Variants in SDK2 observed in about 807,000 individuals in gnomAD.
The protein encoded by SDK2 is protein sidekick-2.
A neutral mutation model predicts 253.9 loss-of-function variants in SDK2; 105 were observed. The observed-to-expected ratio is 0.41, with a 90% CI of 0.35 to 0.49. SDK2 has a LOEUF of 0.49. SDK2 is among the 20% of genes least tolerant of loss of function. SDK2 has a pLI of 0.06. For synonymous variants in SDK2, 1,249 were observed against 1,234.9 expected (o/e 1.01, Z -0.24); for missense variants, 2,608 against 3,003.0 (o/e 0.87, Z 3.07).
intron 1 of SDK2, among the ~76,000 whole-genome samples, chr17:73,553,705 C>T (rs1010470271): frequency 2.0e-5 from 3 of 152,170 alleles, no homozygotes; most frequent in East Asian, 1.9e-4. Flanking sequence ...CCCAAACCCC[C>T]ACCCTTGTTA....
At position 73,397,204 on chromosome 17, in the gene SDK2, T is replaced by A. The variant is rs9916230; in HGVS notation, c.3354+831A>T. Among the ~76,000 whole-genome samples, 1,723 of 152,222 alleles carry A rather than the reference T, an allele frequency of 0.011. 51 individuals are homozygous for A. The East Asian group carries it at 0.11, about 10-fold the overall frequency. On this transcript the variant is annotated intron_variant, in intron 24 of 44. Coordinates refer to ENST00000392650, the MANE Select transcript of SDK2 (RefSeq NM_001144952.2). ...TGTGGTATGTGGTGCTGTTCCCACA[T>A]TTATTTGTCTAAGAATTCTTGTTTG...
At chr17:73,451,497 T>C (rs1312294185) in intron 4 of SDK2, among the ~76,000 whole-genome samples, 1 of 151,908 alleles carries the variant, frequency 6.6e-6, no homozygotes, top group Non-Finnish European at 1.5e-5. Context: ...AGAGCGAAAA[T>C]CCATCTCAAA....
intron 1 of SDK2, among the ~76,000 whole-genome samples, chr17:73,585,241 G>T (rs1441282805): frequency 6.6e-6 from 1 of 152,260 alleles, no homozygotes; most frequent in Non-Finnish European, 1.5e-5. Flanking sequence ...AACTGTCTCA[G>T]AATGCACTCT....
At position 73,440,733 on chromosome 17, in the gene SDK2, C is replaced by A. The variant is rs930100559; in HGVS notation, c.725+79G>T. The A allele has an allele frequency of 9.7e-6, 10 of 1,030,356 alleles. No individual in the cohort carries two copies. The African/African-American group carries it at 1.6e-4, about 16-fold the overall frequency. 63.8% of individuals were successfully genotyped at this position (1,030,356 alleles called of 1,614,324 possible). A position where few individuals can be genotyped will look rare whatever the true frequency, so the allele number is the denominator to read the frequency against. On this transcript the variant is annotated intron_variant, in intron 6 of 44. Coordinates refer to ENST00000392650, the MANE Select transcript of SDK2 (RefSeq NM_001144952.2). ...GATCCTCAGGTGATGTGGCTTCTGG[C>A]TGCTCTCCCTGGAGCCCGCAGTTTG...
rs55920887 is a variant in SDK2, at chr17:73,581,052, G to GTT, written c.64+62971_64+62972dup. 2.5e-3 allele frequency among the ~76,000 whole-genome samples: 369 copies of GTT among 149,010 alleles called. 4 individuals are homozygous for GTT. The South Asian group carries it at 0.033, about 13-fold the overall frequency. On this transcript the variant is annotated intron_variant, in intron 1 of 44. Coordinates refer to ENST00000392650, the MANE Select transcript of SDK2 (RefSeq NM_001144952.2). Reference sequence around the variant, plus strand: ...GCCCAGCTAATTTTTGTATTTTTTGGTTTTTTTTTTCAGAGATAGGGTCTC... The same window carrying GTT: ...GCCCAGCTAATTTTTGTATTTTTTGGTTTTTTTTTTTTCAGAGATAGGGTCTC...
intron 15 of SDK2, 44 bp downstream of exon 15, chr17:73,422,243 G>T: frequency 6.2e-7 from 1 of 1,604,402 alleles, no homozygotes; most frequent in Non-Finnish European, 8.5e-7. Context: ...GCCCCTGCCT[G>T]TTGGAGTCCT....
At chr17:73,369,618 G>T (rs1350775363) in intron 36 of SDK2, among the ~76,000 whole-genome samples, 2 of 152,214 alleles carry the variant, frequency 1.3e-5, no homozygotes, top group African/African-American at 2.4e-5. Context: ...GCTGCAGAAG[G>T]CTTTAGGCCA....
intron 1 of SDK2, among the ~76,000 whole-genome samples, chr17:73,559,199 T>TGACCCACGAAGGACAGAGC: frequency 6.6e-6 from 1 of 152,028 alleles, no homozygotes; most frequent in African/African-American, 2.4e-5. Flanking sequence ...TGGGGCAGAG[T>TGACCCACGAAGGACAGAGC]GACCCACGAA....
intron 36 of SDK2, among the ~76,000 whole-genome samples, chr17:73,377,631 C>CT (rs1160933749): frequency 0.018 from 2,427 of 138,512 alleles, 54 homozygotes; most frequent in African/African-American, 0.052. Context: ...CTGCTGCCTG[C>CT]TTTTTTTTTT....
At chr17:73,382,336 C>T (rs374851243) in intron 33 of SDK2, among the ~76,000 whole-genome samples, 19 of 152,110 alleles carry the variant, frequency 1.2e-4, no homozygotes, top group African/African-American at 4.1e-4. Context: ...TGCCTGCTGC[C>T]GTCTTCTACT....
At chr17:73,491,107 T>C (rs928885873) in intron 2 of SDK2, among the ~76,000 whole-genome samples, 2 of 152,238 alleles carry the variant, frequency 1.3e-5, no homozygotes, top group African/African-American at 2.4e-5. Flanking sequence ...GCTTAGGATA[T>C]GGGCTGGCGT....
chr17:73,392,275 T>A (rs1428342934), intron 27 of SDK2, among the ~76,000 whole-genome samples: 3 of 149,822 alleles, frequency 2.0e-5, no homozygotes, highest in Non-Finnish European at 4.5e-5. Flanking sequence ...TTCCAAACTT[T>A]TTTTTTTTTT....
At chr17:73,547,216 CT>C (rs1204459140) in intron 1 of SDK2, among the ~76,000 whole-genome samples, 1 of 152,272 alleles carries the variant, frequency 6.6e-6, no homozygotes, top group African/African-American at 2.4e-5. Flanking sequence ...GCCACGCCCC[CT>C]CTGCAGGGCA....
chr17:73,639,933 T>A lies in SDK2; in HGVS notation c.64+4092A>T, dbSNP rs1421504666. 6.6e-6 allele frequency among the ~76,000 whole-genome samples: 1 copy of A among 152,102 alleles called. No homozygotes were observed. The highest frequency in any genetic ancestry group is 6.5e-5 in the Admixed American group (1 of 15,276). Reference sequence around the variant, plus strand: ...ACGGTCCTAGATGACTTTTCGTGTGTCTTTCAAGTCAAATGCAATGATTCC... The same window carrying A: ...ACGGTCCTAGATGACTTTTCGTGTGACTTTCAAGTCAAATGCAATGATTCC... On this transcript the variant is annotated intron_variant, in intron 1 of 44. Coordinates refer to ENST00000392650, the MANE Select transcript of SDK2 (RefSeq NM_001144952.2). The surrounding 1 kb of genome is among the most constrained non-coding windows in gnomAD (Gnocchi z 4.3).
intron 12 of SDK2, 130 bp from the exon 13 acceptor site, chr17:73,424,222 AGGACACTGGGATCGGGGAGCG>A: frequency 1.4e-6 from 1 of 718,026 alleles, no homozygotes; most frequent in African/African-American, 1.8e-5. Context: ...ACAGCCAGGC[AGGACACTGGGATCGGGGAGCG>A]GGACACTGTT....
At chr17:73,572,659 A>G (rs537069547) in intron 1 of SDK2, among the ~76,000 whole-genome samples, 1 of 152,314 alleles carries the variant, frequency 6.6e-6, no homozygotes, top group South Asian at 2.1e-4. Context: ...GCCCAGTGCT[A>G]GGCACACAGC....
chr17:73,479,440 G>C (rs1314469083), intron 2 of SDK2, among the ~76,000 whole-genome samples: 2 of 152,224 alleles, frequency 1.3e-5, no homozygotes, highest in Admixed American at 1.3e-4. Flanking sequence ...CTGGCCACTG[G>C]ACTGGTGGCC....
chr17:73,457,205 C>A (rs1896690836), intron 3 of SDK2, among the ~76,000 whole-genome samples: 1 of 151,172 alleles, frequency 6.6e-6, no homozygotes, highest in Non-Finnish European at 1.5e-5. Flanking sequence ...CATCTCACAT[C>A]ATTCCATTTT....
intron 1 of SDK2, among the ~76,000 whole-genome samples, chr17:73,509,611 G>A (rs1187018999): frequency 1.1e-4 from 16 of 146,008 alleles, no homozygotes; most frequent in African/African-American, 4.1e-4. Flanking sequence ...GCGACATGGT[G>A]AGACCCCCTC....
Sources: allele counts gnomAD v4.1 joint callset (sites outside exome capture counted in the v4.1 genomes callset), GRCh38; gene constraint gnomAD v4.1.1; non-coding constraint Gnocchi (gnomAD v3.1); transcripts MANE v1.5; gene names NCBI Gene and HGNC (gene_info 2026-07-23, HGNC 2026-07-21).